Variants in CCNY observed in about 807,000 individuals in gnomAD.
The protein encoded by CCNY is cyclin-Y.
CCNY carries 19 observed loss-of-function variants against 42.8 expected under a neutral mutation model. The observed-to-expected ratio is 0.44, with a 90% CI of 0.31 to 0.65. The LOEUF (loss-of-function observed/expected upper bound fraction) is 0.65. CCNY is among the 30% of genes least tolerant of loss of function. The pLI, the probability that CCNY is intolerant of heterozygous loss-of-function variation, is 0.07. For missense variants in CCNY, 370 were observed against 437.3 expected (o/e 0.85, Z 1.37); for synonymous variants, 165 against 162.7 (o/e 1.01, Z -0.11).
Position 35,566,947 on chromosome 10 carries a change from T to G in CCNY, c.909+762T>G, listed in dbSNP as rs550421274. Among the ~76,000 whole-genome samples the G allele has an allele frequency of 3.3e-5, 5 of 151,792 alleles. No individual in the cohort carries two copies. In the South Asian group the frequency reaches 1.0e-3, roughly 32 times the overall value. On this transcript the variant is annotated intron_variant, in intron 9 of 9. Coordinates refer to ENST00000374704, the MANE Select transcript of CCNY (RefSeq NM_145012.6). ...CAGGCTGGTCTAGAACTCCTGACCT[T>G]GTGATCTGCCCACCTTGGCCTCCTA...
chr10:35,262,420 ACAAT>A (rs1329910130), intron 3 of CCNY, among the ~76,000 whole-genome samples: 1 of 150,636 alleles, frequency 6.6e-6, no homozygotes, highest in African/African-American at 2.4e-5. Context: ...GTGCAGTGGT[ACAAT>A]CTCAGCTCAC....
At position 35,569,517 on chromosome 10, in the gene CCNY, G is replaced by T. The variant is rs1194149231; in HGVS notation, c.*347G>T. 9.7e-6 allele frequency: 3 copies of T among 308,656 alleles called. No individual in the cohort carries two copies. The highest frequency in any genetic ancestry group is 1.9e-5 in the Non-Finnish European group (3 of 160,356). 19.1% of individuals were successfully genotyped at this position (308,656 alleles called of 1,614,324 possible). A position where few individuals can be genotyped will look rare whatever the true frequency, so the allele number is the denominator to read the frequency against. ...AGTCCCCATGGGGGCGGTAGCTGAA[G>T]TTGGCGAGCGCAGCGGTGGATGCAG... On this transcript the variant is annotated 3_prime_UTR_variant, in exon 10 of 10. Coordinates refer to ENST00000374704, the MANE Select transcript of CCNY (RefSeq NM_145012.6).
intron 3 of CCNY, among the ~76,000 whole-genome samples, chr10:35,309,142 A>G (rs1391103323): frequency 6.6e-6 from 1 of 152,248 alleles, no homozygotes; most frequent in African/African-American, 2.4e-5. Context: ...GGGAAAGGCT[A>G]CATCTGCAAG....
chr10:35,490,936 A>G (rs533151217), intron 2 of CCNY, among the ~76,000 whole-genome samples: 69 of 152,320 alleles, frequency 4.5e-4, no homozygotes, highest in Non-Finnish European at 4.4e-5. Context: ...ACTTGGTTTG[A>G]GGACCTTTGC....
chr10:35,551,710 A>T (rs1841262001), intron 7 of CCNY, among the ~76,000 whole-genome samples: 1 of 152,182 alleles, frequency 6.6e-6, no homozygotes, highest in African/African-American at 2.4e-5. Flanking sequence ...GATATTTCTG[A>T]TGTCTGTCTT....
chr10:35,321,859 A>T (rs1285174036), intron 3 of CCNY, among the ~76,000 whole-genome samples: 1 of 152,224 alleles, frequency 6.6e-6, no homozygotes, highest in East Asian at 1.9e-4. Flanking sequence ...ATTTGGATCA[A>T]TGGAACAAAA....
rs192122436 is a variant in CCNY, at chr10:35,524,113, C to T, written c.366-1851C>T. On this transcript the variant is annotated intron_variant, in intron 4 of 9. Coordinates refer to ENST00000374704, the MANE Select transcript of CCNY (RefSeq NM_145012.6). Reference sequence around the variant, plus strand: ...ATGGTCAAAACAGAAGGGCACACAGCCTTATACAAGCCAGAAATCCTGGCA... The same window carrying T: ...ATGGTCAAAACAGAAGGGCACACAGTCTTATACAAGCCAGAAATCCTGGCA... Among the ~76,000 whole-genome samples, 59 of 152,322 alleles carry T rather than the reference C, an allele frequency of 3.9e-4. 1 individual carries two copies. Among genetic ancestry groups the T allele is most frequent in the South Asian group, 1.5e-3 (7 of 4,826 alleles).
Position 35,370,412 on chromosome 10 carries a change from G to C in CCNY, c.154+33205G>C, listed in dbSNP as rs528386584. Among the ~76,000 whole-genome samples, 3 of 151,258 alleles carry C rather than the reference G, an allele frequency of 2.0e-5. No individual in the cohort carries two copies. In the South Asian group the frequency reaches 6.2e-4, roughly 31 times the overall value. Reference sequence around the variant, plus strand: ...GTGATCCGCCTGCTTCGGCCTCCCAGAGTGTTGGGATTACAGGCGTGAGCC... The same window carrying C: ...GTGATCCGCCTGCTTCGGCCTCCCACAGTGTTGGGATTACAGGCGTGAGCC... On this transcript the variant is annotated intron_variant, in intron 1 of 9. Coordinates refer to ENST00000374704, the MANE Select transcript of CCNY (RefSeq NM_145012.6).
chr10:35,309,692 A>G (rs141579182), intron 3 of CCNY, among the ~76,000 whole-genome samples: 1,878 of 152,252 alleles, frequency 0.012, 25 homozygotes, highest in African/African-American at 0.027. Context: ...AAGTGATGAG[A>G]TTGCAGGCAT....
Position 35,319,626 on chromosome 10 carries a change from A to T in CCNY, c.-9+69000A>T, listed in dbSNP as rs1449132914. 5.9e-5 allele frequency among the ~76,000 whole-genome samples: 9 copies of T among 152,342 alleles called. No individual in the cohort carries two copies. In the East Asian group the frequency reaches 1.7e-3, roughly 29 times the overall value. On this transcript the variant is annotated intron_variant, in intron 3 of 11. Transcript: ENST00000374706. ...CACGGTGGCTCACACTTGTAATCCC[A>T]GCACTTTGGGAGGCCGAGGTGGGTG...
At position 35,479,198 on chromosome 10, in the gene CCNY, T is replaced by C. The variant is rs1411023899; in HGVS notation, c.155-4206T>C. Among the ~76,000 whole-genome samples the C allele has an allele frequency of 5.3e-5, 8 of 151,102 alleles. No individual in the cohort carries two copies. In the South Asian group the frequency reaches 6.3e-4, roughly 12 times the overall value. On this transcript the variant is annotated intron_variant, in intron 1 of 9. Transcript: ENST00000374704. ...TCAACCATTGTGGAAGTCAGTGTGG[T>C]GATTCCTCAGGGATCTAGAACTAGA...
chr10:35,387,336 G>A (rs763866679), intron 1 of CCNY, among the ~76,000 whole-genome samples: 3 of 152,214 alleles, frequency 2.0e-5, no homozygotes, highest in Non-Finnish European at 4.4e-5. Flanking sequence ...AATGCCTGGT[G>A]ATGATGGTGG....
At position 35,552,063 on chromosome 10, in the gene CCNY, T is replaced by G. The variant is rs1841269776; in HGVS notation, c.580-956T>G. 2.6e-5 allele frequency among the ~76,000 whole-genome samples: 4 copies of G among 152,348 alleles called. No homozygotes were observed. The South Asian group carries it at 8.3e-4, about 32-fold the overall frequency. ...AAAAGCACGGATTCAAACAGATACT[T>G]GTACACCAGTGTTCATAGCTGCATT... On this transcript the variant is annotated intron_variant, in intron 7 of 9. Transcript: ENST00000374704.
intron 1 of CCNY, among the ~76,000 whole-genome samples, chr10:35,472,057 G>A (rs541412175): frequency 6.6e-6 from 1 of 152,278 alleles, no homozygotes; most frequent in South Asian, 2.1e-4. Flanking sequence ...TTTATGTATT[G>A]AGAGTTTTGT....
At position 35,571,481 on chromosome 10, in the gene CCNY, T is replaced by C. The variant is rs1841684762; in HGVS notation, c.*2311T>C. On this transcript the variant is annotated 3_prime_UTR_variant, in exon 10 of 10. Coordinates refer to ENST00000374704, the MANE Select transcript of CCNY (RefSeq NM_145012.6). The stretch of plus-strand genomic sequence containing the variant: ...CCTCTGTATAGGAAAATTTTCCATA[T>C]TCATTAATTAGTGTTGATCTGTATT... 6.6e-6 allele frequency: 1 copy of C among 152,376 alleles called. No homozygotes were observed. Among genetic ancestry groups the C allele is most frequent in the African/African-American group, 2.4e-5 (1 of 41,464 alleles). 9.4% of individuals were successfully genotyped at this position (152,376 alleles called of 1,614,324 possible).
At chr10:35,289,015 TC>T (rs1486329465) in intron 3 of CCNY, among the ~76,000 whole-genome samples, 4 of 152,212 alleles carry the variant, frequency 2.6e-5, no homozygotes, top group Admixed American at 2.0e-4. Flanking sequence ...TTGTACTGAA[TC>T]TTTACATTGA....
At chr10:35,251,273 C>T (rs951908701) in intron 3 of CCNY, among the ~76,000 whole-genome samples, 8 of 152,064 alleles carry the variant, frequency 5.3e-5, no homozygotes, top group African/African-American at 1.9e-4. Context: ...ATGTTACATA[C>T]ATATGAGCAA....
At chr10:35,341,629 A>G (rs1045461501) in intron 1 of CCNY, among the ~76,000 whole-genome samples, 10 of 152,094 alleles carry the variant, frequency 6.6e-5, no homozygotes, top group South Asian at 2.1e-4. Context: ...GAAGGATGTG[A>G]ATGAAAACAT....
intron 5 of CCNY, 46 bp from the exon 6 acceptor site, chr10:35,529,927 A>T (rs1470135739): frequency 4.0e-6 from 6 of 1,509,818 alleles, no homozygotes; most frequent in Non-Finnish European, 5.5e-6. Context: ...TTTGAATGAC[A>T]TTCTTGCAGA....
Sources: gnomAD v4.1 joint callset for allele counts (sites outside exome capture counted in the v4.1 genomes callset) on GRCh38, gnomAD v4.1.1 for gene constraint, MANE v1.5 for transcripts, NCBI Gene and HGNC (gene_info 2026-07-23, HGNC 2026-07-21) for gene names.